Variants in NUDCD3 observed in about 807,000 individuals in gnomAD.
NUDCD3 encodes NudC domain containing 3, also known as nudC domain-containing protein 3.
NUDCD3 carries 13 observed loss-of-function variants against 39.7 expected under a neutral mutation model. The observed-to-expected ratio is 0.33, with a 90% CI of 0.21 to 0.52. The LOEUF is 0.52. Ranked by LOEUF, NUDCD3 falls within the 20% of genes least tolerant of loss-of-function variation. The probability of loss-of-function intolerance (pLI) is 0.96; values close to 1 mark genes in which losing one functional copy is unlikely to be tolerated. For missense variants in NUDCD3, 453 were observed against 458.1 expected (o/e 0.99, Z 0.10); for synonymous variants, 175 against 172.4 (o/e 1.02, Z -0.12).
chr7:44,437,069 CTTT>C (rs35904938), intron 2 of NUDCD3, among the ~76,000 whole-genome samples: 2 of 117,284 alleles, frequency 1.7e-5, no homozygotes, highest in Non-Finnish European at 3.6e-5. Flanking sequence ...CTTTTCTTTT[CTTT>C]TTTTTTTTTT....
chr7:44,384,259 T>C lies in NUDCD3; in HGVS notation c.*1752A>G, dbSNP rs1798361093. On this transcript the variant is annotated 3_prime_UTR_variant, in exon 6 of 6. Coordinates refer to ENST00000355451, the MANE Select transcript of NUDCD3 (RefSeq NM_015332.4). The stretch of plus-strand genomic sequence containing the variant: ...CTCCTTTCATTAGGCAGGAAAGCTC[T>C]TGTGGGACAGTGGTGTGCAAATCCT... 1 of 152,126 alleles carries C rather than the reference T, an allele frequency of 6.6e-6. No individual in the cohort carries two copies. Among genetic ancestry groups the C allele is most frequent in the African/African-American group, 2.4e-5 (1 of 41,436 alleles). 9.4% of individuals were successfully genotyped at this position (152,126 alleles called of 1,614,324 possible).
chr7:44,425,658 G>A (rs1399643391), intron 3 of NUDCD3, among the ~76,000 whole-genome samples: 2 of 152,146 alleles, frequency 1.3e-5, no homozygotes, highest in African/African-American at 4.8e-5. Context: ...GAGGCCAGGA[G>A]TTCAAGACCA....
chr7:44,430,084 C>CT (rs1799324995), intron 2 of NUDCD3, among the ~76,000 whole-genome samples: 1 of 152,192 alleles, frequency 6.6e-6, no homozygotes, highest in African/African-American at 2.4e-5. Flanking sequence ...GTGGTTATCT[C>CT]TGATAGTAGA....
intron 3 of NUDCD3, among the ~76,000 whole-genome samples, chr7:44,419,796 T>C (rs1315700091): frequency 6.7e-6 from 1 of 148,876 alleles, no homozygotes. Context: ...AGCAACAACA[T>C]CAACATCAAA....
intron 2 of NUDCD3, 96 bp downstream of exon 2, chr7:44,484,872 G>A: frequency 1.1e-6 from 1 of 909,728 alleles, no homozygotes; most frequent in Non-Finnish European, 1.7e-6. Context: ...CTGAGATCAA[G>A]AATTAATGTG....
At chr7:44,453,869 C>T (rs1799840664) in intron 2 of NUDCD3, among the ~76,000 whole-genome samples, 1 of 151,844 alleles carries the variant, frequency 6.6e-6, no homozygotes, top group Non-Finnish European at 1.5e-5. Flanking sequence ...CATAGGGAGG[C>T]CCCATCTCGA....
intron 4 of NUDCD3, among the ~76,000 whole-genome samples, chr7:44,400,925 GAT>G (rs1342265769): frequency 6.6e-6 from 1 of 152,120 alleles, no homozygotes; most frequent in Admixed American, 6.5e-5. Flanking sequence ...ACATTCACAG[GAT>G]ATCTCCAACC....
At chr7:44,443,057 T>G (rs528232992) in intron 2 of NUDCD3, among the ~76,000 whole-genome samples, 3 of 152,288 alleles carry the variant, frequency 2.0e-5, no homozygotes, top group South Asian at 4.1e-4. Context: ...AATGACAACG[T>G]ATTCACACAG....
At position 44,415,636 on chromosome 7, in the gene NUDCD3, G is replaced by T. The variant is rs1585064225; in HGVS notation, c.643-11053C>A. 2.6e-5 allele frequency among the ~76,000 whole-genome samples: 4 copies of T among 152,286 alleles called. No homozygotes were observed. In the East Asian group the frequency reaches 7.7e-4, roughly 29 times the overall value. On this transcript the variant is annotated intron_variant, in intron 3 of 5. Transcript: ENST00000355451. ...CATCATACCCATTCTACAGAAAAGG[G>T]ATCAATGAGAAACTCCAGGAGAGGC... is the stretch of plus-strand genomic sequence containing the variant.
intron 2 of NUDCD3, among the ~76,000 whole-genome samples, chr7:44,428,555 T>A (rs975193860): frequency 2.6e-5 from 4 of 152,174 alleles, no homozygotes; most frequent in African/African-American, 7.2e-5. Flanking sequence ...AAGGACTGCA[T>A]TAAAATTGTA....
intron 2 of NUDCD3, among the ~76,000 whole-genome samples, chr7:44,459,950 A>C (rs908627375): frequency 1.3e-5 from 2 of 152,252 alleles, no homozygotes; most frequent in Non-Finnish European, 2.9e-5. Context: ...GGTATAATAC[A>C]AAACTTGATC....
intron 2 of NUDCD3, among the ~76,000 whole-genome samples, chr7:44,474,143 T>C (rs1223644425): frequency 6.9e-6 from 1 of 145,512 alleles, no homozygotes; most frequent in Non-Finnish European, 1.5e-5. Context: ...TTCTACCTAA[T>C]AAACATTTTG....
chr7:44,406,804 T>A (rs1474159955), intron 3 of NUDCD3, among the ~76,000 whole-genome samples: 1 of 151,984 alleles, frequency 6.6e-6, no homozygotes, highest in Non-Finnish European at 1.5e-5. Flanking sequence ...CAGGAACAGA[T>A]GAGATGTCAA....
intron 2 of NUDCD3, among the ~76,000 whole-genome samples, chr7:44,465,243 C>T (rs1800095713): frequency 6.6e-6 from 1 of 152,188 alleles, no homozygotes; most frequent in South Asian, 2.1e-4. Context: ...AAAAATCTCA[C>T]AGTCATCTCA....
At chr7:44,388,228 C>T (rs1037656663) in intron 5 of NUDCD3, among the ~76,000 whole-genome samples, 3 of 152,218 alleles carry the variant, frequency 2.0e-5, no homozygotes, top group African/African-American at 7.2e-5. Context: ...TGCCAGAGCA[C>T]GCTGGTAACT....
At chr7:44,432,076 A>G (rs953894201) in intron 2 of NUDCD3, among the ~76,000 whole-genome samples, 39 of 152,192 alleles carry the variant, frequency 2.6e-4, no homozygotes, top group Admixed American at 1.7e-3. Context: ...TGAGGCCAGG[A>G]GTTTGAGACC....
intron 3 of NUDCD3, among the ~76,000 whole-genome samples, chr7:44,418,879 C>T (rs1771182808): frequency 1.3e-5 from 2 of 152,198 alleles, no homozygotes; most frequent in African/African-American, 2.4e-5. Flanking sequence ...TTATCCAGCC[C>T]AGATACTAAG....
chr7:44,447,493 T>G (rs1038196765), intron 2 of NUDCD3, among the ~76,000 whole-genome samples: 3 of 152,182 alleles, frequency 2.0e-5, no homozygotes, highest in Non-Finnish European at 4.4e-5. Context: ...TAAACAGGCT[T>G]CACGCAGCAT....
intron 3 of NUDCD3, among the ~76,000 whole-genome samples, chr7:44,410,370 A>C (rs772694796): frequency 5.3e-5 from 8 of 152,258 alleles, no homozygotes; most frequent in Non-Finnish European, 1.0e-4. Flanking sequence ...CAGAATTAAA[A>C]GTCTAAAAAC....
Sources: allele counts gnomAD v4.1 joint callset (sites outside exome capture counted in the v4.1 genomes callset), GRCh38; gene constraint gnomAD v4.1.1; transcripts MANE v1.5; gene names NCBI Gene and HGNC (gene_info 2026-07-23, HGNC 2026-07-21).